DEPDC5: variants seen among roughly 807,000 people sequenced by gnomAD.
DEPDC5 encodes GATOR1 complex protein DEPDC5.
DEPDC5 carries 73 observed loss-of-function variants against 217.3 expected under a neutral mutation model. The observed-to-expected ratio is 0.34, with a 90% CI of 0.28 to 0.41. The LOEUF is 0.41. Among genes scored for constraint, DEPDC5 ranks in the 10% least tolerant of loss-of-function variants. The pLI, the probability that DEPDC5 is intolerant of heterozygous loss-of-function variation, is 1.00. For missense variants in DEPDC5, 1,675 were observed against 2,070.1 expected, an observed-to-expected ratio of 0.81 and a Z score of 3.70; for synonymous variants, 733 against 756.7, an observed-to-expected ratio of 0.97 and a Z score of 0.51.
intron 41 of DEPDC5, among the ~76,000 whole-genome samples, chr22:31,904,817 A>T (rs2093728284): frequency 6.6e-6 from 1 of 152,240 alleles, no homozygotes; most frequent in African/African-American, 2.4e-5. Context: ...TACAGTGCAT[A>T]GTAGCCTACC....
chr22:31,876,574 A>G (rs2092997159), intron 37 of DEPDC5, among the ~76,000 whole-genome samples: 1 of 151,256 alleles, frequency 6.6e-6, no homozygotes, highest in Non-Finnish European at 1.5e-5. Context: ...AGAGTGCCCC[A>G]CCCCCTTGCC....
chr22:31,907,455 T>G lies in DEPDC5; in HGVS notation c.*958T>G, dbSNP rs999958014. ...CAGGCTGGAGTGCAATGGTGTGATC[T>G]CAGCTCACTACAACCTCTGCCTCCT... is the stretch of plus-strand genomic sequence containing the variant. On this transcript the variant is annotated 3_prime_UTR_variant, in exon 43 of 43. Coordinates refer to ENST00000651528, the MANE Select transcript of DEPDC5 (RefSeq NM_001242896.3). 2 of 152,204 alleles carry G rather than the reference T, an allele frequency of 1.3e-5. No homozygotes were observed. Among genetic ancestry groups the G allele is most frequent in the African/African-American group, 4.8e-5 (2 of 41,438 alleles). The allele number at this position is 152,204 out of a possible 1,614,324, so 9.4% of individuals were successfully genotyped here.
At chr22:31,825,792 C>T (rs1602197556) in intron 24 of DEPDC5, among the ~76,000 whole-genome samples, 2 of 152,284 alleles carry the variant, frequency 1.3e-5, no homozygotes, top group East Asian at 3.9e-4. Flanking sequence ...TTTCATGGCT[C>T]TTCATGGCTA....
chr22:31,757,972 C>T (rs2082072248), intron 2 of DEPDC5, among the ~76,000 whole-genome samples: 1 of 152,098 alleles, frequency 6.6e-6, no homozygotes. Context: ...CCATGTTCGC[C>T]AGGCTGGTCT....
At chr22:31,809,011 T>C (rs1240103122) in intron 18 of DEPDC5, among the ~76,000 whole-genome samples, 1 of 151,350 alleles carries the variant, frequency 6.6e-6, no homozygotes, top group African/African-American at 2.4e-5. Context: ...CAAGCAATCC[T>C]CCTGCCTTGG....
chr22:31,812,649 C>T (rs1225465872), intron 20 of DEPDC5, among the ~76,000 whole-genome samples: 1 of 147,854 alleles, frequency 6.8e-6, no homozygotes, highest in Non-Finnish European at 1.5e-5. Context: ...TGGTCTCGAT[C>T]TCCTGATCTC....
intron 7 of DEPDC5, 53 bp downstream of exon 7, chr22:31,768,916 G>A: frequency 6.3e-7 from 1 of 1,594,580 alleles, no homozygotes; most frequent in Admixed American, 1.7e-5. Context: ...GCTACATAAA[G>A]CAGTGGAGGC....
rs1327293581 is a variant in DEPDC5 at position 31,906,388 on chromosome 22, T to C, written c.4703T>C (p.Phe1568Ser). 6.2e-7 allele frequency: 1 copy of C among 1,614,164 alleles called. No homozygotes were observed. The highest frequency in any genetic ancestry group is 8.5e-7 in the Non-Finnish European group (1 of 1,180,028). The change falls in exon 43 of 43, where the codon TTT becomes TCT. Residue 1568 changes from phenylalanine to serine, a missense_variant. By Grantham distance (155) the Phe-to-Ser change is radical (BLOSUM62 -2). Around this residue, in one of 11 missense-constraint regions of DEPDC5, gnomAD observed 49 missense variants for 74.7 expected, o/e 0.66. Transcript: ENST00000651528. The surrounding 1 kb of genome is among the most constrained non-coding windows in gnomAD (Gnocchi z 5.1). ...WRSSATGDEK[F>S]ADRLLKDFTD... ...TCCAGCGCCACAGGGGATGAAAAGTTTGCTGATCGGCTGCTGAAGGACTTC... is the reference window on the plus strand; with the variant it reads ...TCCAGCGCCACAGGGGATGAAAAGTCTGCTGATCGGCTGCTGAAGGACTTC...
At chr22:31,903,006 G>A (rs2093677377) in intron 41 of DEPDC5, among the ~76,000 whole-genome samples, 1 of 151,788 alleles carries the variant, frequency 6.6e-6, no homozygotes, top group African/African-American at 2.4e-5. Context: ...CCAGATCCTG[G>A]TCTATCTTCC....
At position 31,819,061 on chromosome 22, in the gene DEPDC5, C is replaced by G. The variant is rs2089435692; in HGVS notation, c.1706C>G (p.Ser569Cys). Residue 569 changes from serine (S) to cysteine (C), a missense_variant, in exon 22 of 43, where the codon TCC becomes TGC. Transcript: ENST00000651528. Reference sequence around the variant, plus strand: ...ATGATGGAGCCACCACAGCGAGACTCCAGTGCACCAGGGAGGTTTCACGTT... The same window carrying G: ...ATGATGGAGCCACCACAGCGAGACTGCAGTGCACCAGGGAGGTTTCACGTT... ...ENMMEPPQRD[S>C]SAPGRFHVGS... The G allele has an allele frequency of 6.2e-7, 1 of 1,614,044 alleles. No individual in the cohort carries two copies. Among genetic ancestry groups the G allele is most frequent in the Non-Finnish European group, 8.5e-7 (1 of 1,180,034 alleles).
intron 25 of DEPDC5, among the ~76,000 whole-genome samples, chr22:31,836,676 C>T (rs775492191): frequency 5.9e-5 from 9 of 152,104 alleles, no homozygotes; most frequent in Admixed American, 5.9e-4. Flanking sequence ...CCTGCCCTGC[C>T]GTAATCTCAC....
chr22:31,845,265 C>T (rs1236642105), intron 30 of DEPDC5, 28 bp downstream of exon 30: 11 of 1,598,610 alleles, frequency 6.9e-6, no homozygotes, highest in African/African-American at 2.7e-5. Flanking sequence ...TCAGGGAGTG[C>T]GCCTGGTGTG....
intron 14 of DEPDC5, among the ~76,000 whole-genome samples, chr22:31,799,485 T>A (rs1714491415): frequency 6.6e-6 from 1 of 151,412 alleles, no homozygotes; most frequent in African/African-American, 2.4e-5. Context: ...AATGCTATTT[T>A]TTTTTTTTTT....
chr22:31,790,894 G>A (rs1179115014), intron 10 of DEPDC5, among the ~76,000 whole-genome samples: 3 of 151,874 alleles, frequency 2.0e-5, no homozygotes, highest in Non-Finnish European at 4.4e-5. Flanking sequence ...TTTCAGGCGC[G>A]TGCCACATTG....
chr22:31,889,695 C>T (rs1216549122), intron 38 of DEPDC5, among the ~76,000 whole-genome samples: 2 of 151,992 alleles, frequency 1.3e-5, no homozygotes, highest in East Asian at 1.9e-4. Flanking sequence ...CACCCGCCAC[C>T]ATGCCCGGCT....
intron 2 of DEPDC5, chr22:31,755,230 TAATTACA>T: frequency 1.9e-6 from 1 of 514,946 alleles, no homozygotes. Context: ...ATTGCATTAT[TAATTACA>T]AATCTTCCGT....
At chr22:31,778,989 AAG>A (rs1265311952) in intron 8 of DEPDC5, among the ~76,000 whole-genome samples, 1 of 152,128 alleles carries the variant, frequency 6.6e-6, no homozygotes, top group Non-Finnish European at 1.5e-5. Flanking sequence ...CTCCAGAGCA[AAG>A]AGTTATCTGG....
intron 24 of DEPDC5, among the ~76,000 whole-genome samples, chr22:31,829,160 G>C (rs1411969982): frequency 6.6e-6 from 1 of 152,180 alleles, no homozygotes; most frequent in Non-Finnish European, 1.5e-5. Flanking sequence ...TACATTATGG[G>C]CTAGATTACC....
intron 14 of DEPDC5, 111 bp from the exon 15 acceptor site, chr22:31,802,593 G>A (rs950009078): frequency 8.0e-7 from 1 of 1,250,714 alleles, no homozygotes; most frequent in Non-Finnish European, 1.1e-6. Context: ...TGTGGCAGTT[G>A]CTATAATAAA....
Sources: allele counts gnomAD v4.1 joint callset (sites outside exome capture counted in the v4.1 genomes callset), GRCh38; gene constraint gnomAD v4.1.1; regional missense constraint gnomAD v4.1.1; non-coding constraint Gnocchi (gnomAD v3.1); transcripts MANE v1.5; gene names NCBI Gene and HGNC (gene_info 2026-07-23, HGNC 2026-07-21).